The following BNC2 variants were observed in gnomAD, a reference collection of about 807,000 sequenced individuals.
The protein encoded by BNC2 is basonuclin zinc finger protein 2.
BNC2 carries 20 observed loss-of-function variants against 76.3 expected under a neutral mutation model. That is an observed-to-expected ratio of 0.26 (90% confidence interval 0.18 to 0.38). BNC2 has a LOEUF of 0.38. Among genes scored for constraint, BNC2 ranks in the 10% least tolerant of loss-of-function variants. The pLI is 1.00. For missense variants in BNC2, 1,382 were observed against 1,399.8 expected, an observed-to-expected ratio of 0.99 and a Z score of 0.20; for synonymous variants, 582 against 514.8, an observed-to-expected ratio of 1.13 and a Z score of -1.77.
At chr9:16,573,495 A>G (rs72702119) in intron 4 of BNC2, among the ~76,000 whole-genome samples, 32 of 151,162 alleles carry the variant, frequency 2.1e-4, no homozygotes, top group Admixed American at 2.6e-4. Context: ...GTTCAAAGCC[A>G]TAACAGTGGC....
rs553704525 is a variant in BNC2, at chr9:16,870,407, A to C, written c.3+239T>G. The stretch of plus-strand genomic sequence containing the variant: ...AGCCCCCTCTCACGTGCACCCTCCC[A>C]CCTAGAGCTCGCCTCAGAAACTTGG... On this transcript the variant is annotated intron_variant, in intron 1 of 6. Transcript: ENST00000380672. 2.2e-4 allele frequency among the ~76,000 whole-genome samples: 34 copies of C among 151,430 alleles called. No homozygotes were observed. In the South Asian group the frequency reaches 5.6e-3, roughly 25 times the overall value.
In BNC2 at chr9:16,436,212, T is replaced by C. The variant is rs1440026546; in HGVS notation, c.1982A>G (p.Asn661Ser). ...DEFDDEDDDP[N>S]DGGAVVNDMS... ...GTCATTGACCACAGCTCCACCATCATTGGGGTCATCATCTTCATCATCAAA... is the reference window on the plus strand; with the variant it reads ...GTCATTGACCACAGCTCCACCATCACTGGGGTCATCATCTTCATCATCAAA... The change falls in exon 6 of 7, where the codon AAT (asparagine) becomes AGT (serine). Residue 661 changes from asparagine to serine, a missense_variant. This residue lies in a region of BNC2 where 798 missense variants were observed against 775.5 expected (regional missense o/e 1.03). Transcript: ENST00000380672. The C allele has an allele frequency of 2.3e-5, 37 of 1,613,902 alleles. No homozygotes were observed. Among genetic ancestry groups the C allele is most frequent in the Middle Eastern group, 3.3e-4 (2 of 6,084 alleles).
intron 1 of BNC2, among the ~76,000 whole-genome samples, chr9:16,864,697 C>A (rs1819497650): frequency 6.6e-6 from 1 of 152,164 alleles, no homozygotes; most frequent in Admixed American, 6.5e-5. Flanking sequence ...AGAAGAGCTG[C>A]ACCCCAGGAC....
chr9:16,684,772 G>C (rs1190550256), intron 3 of BNC2, among the ~76,000 whole-genome samples: 1 of 151,782 alleles, frequency 6.6e-6, no homozygotes, highest in African/African-American at 2.4e-5. Context: ...ATATTATTAT[G>C]TACATAGAAA....
At position 16,610,782 on chromosome 9, in the gene BNC2, T is replaced by C. The variant is rs1387044852; in HGVS notation, c.331-27697A>G. ...TCATACACACACTTAAAATAATTAG[T>C]CATGAGTGCATACCCATTTTCAAGA... is the stretch of plus-strand genomic sequence containing the variant. On this transcript the variant is annotated intron_variant, in intron 3 of 6. Transcript: ENST00000380672. Among the ~76,000 whole-genome samples the C allele has an allele frequency of 2.6e-5, 4 of 152,278 alleles. No individual in the cohort carries two copies. The South Asian group carries it at 8.3e-4, about 32-fold the overall frequency.
intron 1 of BNC2, among the ~76,000 whole-genome samples, chr9:16,796,004 C>A (rs1207558588): frequency 1.3e-5 from 2 of 152,118 alleles, no homozygotes; most frequent in South Asian, 2.1e-4. Flanking sequence ...AACTAAGGCT[C>A]AGAGAGACAA....
At chr9:16,575,471 C>T in intron 4 of BNC2, 1 of 984,146 alleles carries the variant, frequency 1.0e-6, no homozygotes, top group Non-Finnish European at 1.2e-6. Context: ...GAAGGGGAGG[C>T]ACTGTTTGCG....
intron 1 of BNC2, among the ~76,000 whole-genome samples, chr9:16,869,582 G>T (rs1374269023): frequency 6.6e-6 from 1 of 152,132 alleles, no homozygotes; most frequent in African/African-American, 2.4e-5. Flanking sequence ...CTCTATATAC[G>T]GAATACACCA....
chr9:16,499,055 T>TA (rs34540984), intron 5 of BNC2, among the ~76,000 whole-genome samples: 35,847 of 152,148 alleles, frequency 0.24, 5,271 homozygotes, highest in African/African-American at 0.41. Context: ...GTTCAGCACT[T>TA]ACAACAAACC....
At chr9:16,841,059 C>T (rs1441025044) in intron 1 of BNC2, among the ~76,000 whole-genome samples, 1 of 152,140 alleles carries the variant, frequency 6.6e-6, no homozygotes. Flanking sequence ...ACTTCACGGG[C>T]AGAAATGACC....
At chr9:16,716,112 T>A (rs1215892517) in intron 3 of BNC2, among the ~76,000 whole-genome samples, 1 of 152,220 alleles carries the variant, frequency 6.6e-6, no homozygotes, top group Non-Finnish European at 1.5e-5. Flanking sequence ...GATGCTCATG[T>A]CAAAGCATTA....
chr9:16,445,537 T>C (rs1236346895), intron 5 of BNC2, among the ~76,000 whole-genome samples: 1 of 152,102 alleles, frequency 6.6e-6, no homozygotes, highest in Non-Finnish European at 1.5e-5. Flanking sequence ...ACGAAAGCCC[T>C]ACTCAATTTT....
At chr9:16,467,832 T>TAA (rs75993887) in intron 5 of BNC2, among the ~76,000 whole-genome samples, 2 of 113,774 alleles carry the variant, frequency 1.8e-5, no homozygotes, top group African/African-American at 3.4e-5. Flanking sequence ...TAGAGTATAA[T>TAA]AAAAAAAAAA....
chr9:16,538,940 T>C (rs1818210771), intron 5 of BNC2, among the ~76,000 whole-genome samples: 1 of 152,182 alleles, frequency 6.6e-6, no homozygotes, highest in African/African-American at 2.4e-5. Flanking sequence ...TACCCAGTGA[T>C]CTCCCCTTTC....
chr9:16,635,540 G>A (rs1240444112), intron 3 of BNC2, among the ~76,000 whole-genome samples: 3 of 152,052 alleles, frequency 2.0e-5, no homozygotes, highest in Admixed American at 6.6e-5. Context: ...ACAAGAAAAA[G>A]CTATTTTACT....
At chr9:16,529,882 TCTGTTGTCCAGG>T (rs1249433230) in intron 5 of BNC2, among the ~76,000 whole-genome samples, 1 of 152,140 alleles carries the variant, frequency 6.6e-6, no homozygotes, top group Non-Finnish European at 1.5e-5. Context: ...GGAGTCTCAC[TCTGTTGTCCAGG>T]CTGGAGAGCA....
intron 1 of BNC2, among the ~76,000 whole-genome samples, chr9:16,785,053 A>G (rs1348814842): frequency 6.6e-6 from 1 of 152,236 alleles, no homozygotes; most frequent in Non-Finnish European, 1.5e-5. Flanking sequence ...GCTACAAAGC[A>G]TTTTATAAAG....
At chr9:16,804,237 A>G (rs984580896) in intron 1 of BNC2, among the ~76,000 whole-genome samples, 5 of 152,256 alleles carry the variant, frequency 3.3e-5, no homozygotes, top group African/African-American at 4.8e-5. Flanking sequence ...GTAATGCACA[A>G]TGATTAAACA....
chr9:16,570,296 C>G (rs920817520), intron 4 of BNC2, among the ~76,000 whole-genome samples: 2 of 152,114 alleles, frequency 1.3e-5, no homozygotes, highest in East Asian at 3.8e-4. Context: ...TATACTCAGT[C>G]TTGAAAAAGA....
Sources: allele counts gnomAD v4.1 joint callset (sites outside exome capture counted in the v4.1 genomes callset), GRCh38; gene constraint gnomAD v4.1.1; regional missense constraint gnomAD v4.1.1; transcripts MANE v1.5; gene names NCBI Gene and HGNC (gene_info 2026-07-23, HGNC 2026-07-21).